OCA2: variants seen among roughly 807,000 people sequenced by gnomAD.
OCA2 encodes the protein OCA2 melanosomal transmembrane protein, also known as P protein.
OCA2 carries 77 observed loss-of-function variants against 100.2 expected under a neutral mutation model. The observed-to-expected ratio is 0.77, with a 90% confidence interval of 0.64 to 0.93. The LOEUF (loss-of-function observed/expected upper bound fraction) is 0.93. OCA2 is among the 40% of genes least tolerant of loss of function. OCA2 has a pLI of 0.00. For synonymous variants in OCA2, 432 were observed against 439.2 expected, an observed-to-expected ratio of 0.98 and a Z score of 0.21; for missense variants, 1,062 against 1,089.1, an observed-to-expected ratio of 0.98 and a Z score of 0.35.
intron 19 of OCA2, among the ~76,000 whole-genome samples, chr15:27,896,899 CTT>C (rs1441724012): frequency 9.8e-6 from 1 of 102,248 alleles, no homozygotes; most frequent in African/African-American, 2.6e-5. Flanking sequence ...TGTCAGAAAT[CTT>C]CTTGGCAGGC....
At chr15:27,921,036 G>T (rs1008963240) in intron 19 of OCA2, among the ~76,000 whole-genome samples, 3 of 151,842 alleles carry the variant, frequency 2.0e-5, no homozygotes, top group Non-Finnish European at 4.4e-5. Context: ...GTGAAAAATA[G>T]TAACCAAAAA....
intron 23 of OCA2, among the ~76,000 whole-genome samples, chr15:27,813,057 G>A (rs1460816088): frequency 6.6e-6 from 1 of 152,186 alleles, no homozygotes; most frequent in East Asian, 1.9e-4. Flanking sequence ...AGCAGCACAG[G>A]TGTCAAGGGT....
chr15:27,894,702 T>G (rs12438574), intron 19 of OCA2, among the ~76,000 whole-genome samples: 52,668 of 152,128 alleles, frequency 0.35, 9,529 homozygotes, highest in Middle Eastern at 0.51. Flanking sequence ...GTGACTCTCT[T>G]TTCCAGCCTT....
intron 23 of OCA2, among the ~76,000 whole-genome samples, chr15:27,783,863 T>C (rs149396402): frequency 1.3e-3 from 202 of 152,308 alleles, no homozygotes; most frequent in African/African-American, 4.8e-3. Context: ...TGGATCACTG[T>C]CCAGGACGTC....
the OCA2 span, among the ~76,000 whole-genome samples, chr15:27,743,178 G>C: frequency 2.6e-4 from 39 of 152,270 alleles, no homozygotes; most frequent in African/African-American, 7.9e-4. Context: ...GGCATCTGCA[G>C]GGGAGCTGGC....
At chr15:27,806,993 C>T (rs2033880948) in intron 23 of OCA2, among the ~76,000 whole-genome samples, 2 of 152,264 alleles carry the variant, frequency 1.3e-5, no homozygotes, top group Admixed American at 1.3e-4. Context: ...CTCAGACCCA[C>T]ATTAGCAAAT....
the OCA2 span, among the ~76,000 whole-genome samples, chr15:27,741,177 C>T: frequency 8.5e-5 from 13 of 152,326 alleles, no homozygotes; most frequent in African/African-American, 3.1e-4. Flanking sequence ...ATAACTACGA[C>T]TTCACCAACT....
chr15:27,882,695 A>AT (rs200561108), intron 19 of OCA2, among the ~76,000 whole-genome samples: 144 of 146,860 alleles, frequency 9.8e-4, no homozygotes, highest in East Asian at 6.6e-3. Context: ...GGAGATTATT[A>AT]TTTTTTTTTA....
At chr15:27,799,220 C>T (rs1230059461) in intron 23 of OCA2, among the ~76,000 whole-genome samples, 1 of 152,212 alleles carries the variant, frequency 6.6e-6, no homozygotes, top group Non-Finnish European at 1.5e-5. Context: ...CACTCATTCA[C>T]TCAAAGTACA....
intron 23 of OCA2, among the ~76,000 whole-genome samples, chr15:27,771,593 G>A (rs73370390): frequency 0.019 from 2,845 of 152,260 alleles, 88 homozygotes; most frequent in African/African-American, 0.064. Flanking sequence ...AGAGGAGAAT[G>A]GGCGTGGGAG....
chr15:28,014,521 A>G (rs1170024787), intron 9 of OCA2, among the ~76,000 whole-genome samples: 1 of 152,198 alleles, frequency 6.6e-6, no homozygotes, highest in African/African-American at 2.4e-5. Context: ...AGAAAATCGT[A>G]TGCACATTCT....
intron 2 of OCA2, among the ~76,000 whole-genome samples, chr15:28,077,026 T>G (rs2044452882): frequency 6.6e-6 from 1 of 151,378 alleles, no homozygotes; most frequent in Admixed American, 6.6e-5. Context: ...GTGGAGAGAG[T>G]GGGGAAGTCT....
intron 19 of OCA2, among the ~76,000 whole-genome samples, chr15:27,909,718 G>A (rs2038312907): frequency 6.6e-6 from 1 of 152,104 alleles, no homozygotes; most frequent in Non-Finnish European, 1.5e-5. Context: ...AATAAAATTA[G>A]ATTCCATATT....
chr15:27,982,986 T>C (rs2041216959), intron 14 of OCA2, among the ~76,000 whole-genome samples: 1 of 152,206 alleles, frequency 6.6e-6, no homozygotes, highest in Non-Finnish European at 1.5e-5. Flanking sequence ...CCACCACAGT[T>C]TGGGAATCCC....
At chr15:27,756,761 G>A (rs2030406900) in intron 23 of OCA2, among the ~76,000 whole-genome samples, 1 of 152,050 alleles carries the variant, frequency 6.6e-6, no homozygotes, top group African/African-American at 2.4e-5. Flanking sequence ...TCTCAATCCG[G>A]GTGCTGAGAC....
chr15:27,977,194 A>C (rs932069212), intron 14 of OCA2, among the ~76,000 whole-genome samples: 1 of 151,986 alleles, frequency 6.6e-6, no homozygotes, highest in African/African-American at 2.4e-5. Flanking sequence ...AATATTATTG[A>C]TCTTGTCAAA....
intron 23 of OCA2, among the ~76,000 whole-genome samples, chr15:27,774,139 G>T (rs1389834065): frequency 6.6e-6 from 1 of 152,146 alleles, no homozygotes; most frequent in Non-Finnish European, 1.5e-5. Flanking sequence ...CCCAGAACTT[G>T]TTTCCCAATA....
chr15:27,895,518 G>T (rs2037650771), intron 19 of OCA2, among the ~76,000 whole-genome samples: 1 of 152,206 alleles, frequency 6.6e-6, no homozygotes, highest in Non-Finnish European at 1.5e-5. Flanking sequence ...TGAGGAACTT[G>T]CTGGGAACTG....
chr15:27,987,123 T>A (rs1442695538), intron 11 of OCA2, among the ~76,000 whole-genome samples: 1 of 152,218 alleles, frequency 6.6e-6, no homozygotes, highest in East Asian at 1.9e-4. Flanking sequence ...ATAATTAAAC[T>A]GATTTTTGTC....
Sources: gnomAD v4.1 joint callset for allele counts (sites outside exome capture counted in the v4.1 genomes callset) on GRCh38, gnomAD v4.1.1 for gene constraint, MANE v1.5 for transcripts, NCBI Gene and HGNC (gene_info 2026-07-23, HGNC 2026-07-21) for gene names.